The following IMMT variants were observed in gnomAD, a reference collection of about 807,000 sequenced individuals.
IMMT encodes the protein inner membrane mitochondrial protein.
In IMMT, 40 loss-of-function variants were observed where a neutral mutation model predicts 92.7. The ratio of observed to expected loss-of-function variants is 0.43; its 90% CI spans 0.34 to 0.56. The LOEUF (loss-of-function observed/expected upper bound fraction) is 0.56. Ranked by LOEUF, IMMT falls within the 20% of genes least tolerant of loss-of-function variation. The pLI, the probability that IMMT is intolerant of heterozygous loss-of-function variation, is 0.03. For synonymous variants in IMMT, 322 were observed against 336.1 expected (o/e 0.96, Z 0.46); for missense variants, 831 against 912.1 (o/e 0.91, Z 1.14).
At chr2:86,185,048 C>T (rs1003002409) in intron 1 of IMMT, among the ~76,000 whole-genome samples, 1 of 151,832 alleles carries the variant, frequency 6.6e-6, no homozygotes, top group African/African-American at 2.4e-5. Context: ...ATTAGCCGGG[C>T]GTGGCAGTGT....
At chr2:86,174,617 A>G (rs1360663363) in intron 3 of IMMT, among the ~76,000 whole-genome samples, 1 of 152,192 alleles carries the variant, frequency 6.6e-6, no homozygotes, top group East Asian at 1.9e-4. Context: ...CACTGCTAAT[A>G]GCCTGGAATC....
intron 1 of IMMT, among the ~76,000 whole-genome samples, chr2:86,191,299 T>G (rs1399863485): frequency 6.7e-6 from 1 of 148,530 alleles, no homozygotes; most frequent in Non-Finnish European, 1.5e-5. Flanking sequence ...GAGCTGAGAT[T>G]GCACCAATGC....
Position 86,158,704 on chromosome 2 carries a change from A to AGT in IMMT, c.1049_1050insAC (p.Glu351LeufsTer38). The AGT allele has an allele frequency of 6.2e-7, 1 of 1,606,772 alleles. No individual in the cohort carries two copies. The highest frequency in any genetic ancestry group is 8.5e-7 in the Non-Finnish European group (1 of 1,176,276). Reference sequence around the variant, plus strand: ...GATACTGAGATACAACCTTAGCCTCAGACTGAGCTGCTTGGACCTGAGCAA... The same window carrying AGT: ...GATACTGAGATACAACCTTAGCCTCAGTGACTGAGCTGCTTGGACCTGAGCAA... On this transcript the variant is annotated frameshift_variant, in exon 10 of 15. Coordinates refer to ENST00000410111, the MANE Select transcript of IMMT (RefSeq NM_006839.3). LOFTEE classifies it high-confidence loss of function.
At chr2:86,171,862 A>ATATATTTT (rs111461385) in intron 4 of IMMT, among the ~76,000 whole-genome samples, 10 of 149,866 alleles carry the variant, frequency 6.7e-5, no homozygotes, top group African/African-American at 2.2e-4. Flanking sequence ...ATATATATAT[A>ATATATTTT]TTTTTTGCAC....
intron 3 of IMMT, among the ~76,000 whole-genome samples, chr2:86,175,499 G>A (rs1677376736): frequency 6.6e-6 from 1 of 151,948 alleles, no homozygotes; most frequent in Non-Finnish European, 1.5e-5. Context: ...ATATATTTGA[G>A]AGAAATGACA....
Position 86,181,330 on chromosome 2 carries a change from A to C in IMMT, c.88T>G (p.Cys30Gly). The change falls in exon 2 of 15, where the codon TGC becomes GGC. Residue 30 changes from cysteine to glycine, a missense_variant. Cys to Gly is a radical substitution (Grantham distance 159). Coordinates refer to ENST00000410111, the MANE Select transcript of IMMT (RefSeq NM_006839.3). Reference sequence around the variant, plus strand: ...CTGCCTGAAGTAGAGTATCTGCGGCATGGTCGCAATGGACGGAGGACAAAC... The same window carrying C: ...CTGCCTGAAGTAGAGTATCTGCGGCCTGGTCGCAATGGACGGAGGACAAAC... ...GKFVLRPLRP[C>G]RRYSTSGSSG... 1 of 1,613,860 alleles carries C rather than the reference A, an allele frequency of 6.2e-7. No individual in the cohort carries two copies. The highest frequency in any genetic ancestry group is 8.5e-7 in the Non-Finnish European group (1 of 1,179,764).
intron 9 of IMMT, among the ~76,000 whole-genome samples, chr2:86,158,943 ACATAT>A (rs1186440099): frequency 6.6e-6 from 1 of 152,034 alleles, no homozygotes; most frequent in African/African-American, 2.4e-5. Context: ...CTCCCTCCAT[ACATAT>A]CATATAAGTG....
rs779402628 is a variant in IMMT at position 86,147,703 on chromosome 2, T to C, written c.1532A>G (p.Gln511Arg). 1 of 1,612,868 alleles carries C rather than the reference T, an allele frequency of 6.2e-7. No individual in the cohort carries two copies. The highest frequency in any genetic ancestry group is 1.1e-5 in the South Asian group (1 of 90,848). ...QEQELKSEFEQNLSEKLSEQE... is the reference protein window; with the variant it reads ...QEQELKSEFERNLSEKLSEQE... ...GCTGAAGGGAGTCCAGGTCCTCACC[T>C]GCTCAAATTCAGACTTCAATTCCTG... The change falls in exon 13 of 15, where the codon CAG becomes CGG. Residue 511 changes from glutamine (Q) to arginine (R), a missense_variant and splice_region_variant. Transcript: ENST00000410111.
intron 1 of IMMT, among the ~76,000 whole-genome samples, chr2:86,192,665 A>G (rs1043288463): frequency 1.3e-5 from 2 of 152,318 alleles, no homozygotes; most frequent in South Asian, 2.1e-4. Context: ...TAGGAGCTAC[A>G]AAGTATAACA....
At chr2:86,176,250 G>A (rs952850483) in intron 3 of IMMT, among the ~76,000 whole-genome samples, 3 of 152,194 alleles carry the variant, frequency 2.0e-5, no homozygotes, top group Non-Finnish European at 4.4e-5. Context: ...TTTACATCCT[G>A]TGGTCTTCCA....
intron 1 of IMMT, among the ~76,000 whole-genome samples, chr2:86,194,698 G>T (rs1341699826): frequency 6.6e-6 from 1 of 152,164 alleles, no homozygotes; most frequent in East Asian, 1.9e-4. Context: ...CCAGCGCCTG[G>T]AGACACAGAT....
chr2:86,171,959 A>ATTTTT (rs869190735), intron 4 of IMMT, among the ~76,000 whole-genome samples: 13 of 40,194 alleles, frequency 3.2e-4, no homozygotes, highest in Non-Finnish European at 6.0e-4. Flanking sequence ...TGTGTAGTAT[A>ATTTTT]TTTTTTTTTT....
chr2:86,171,084 TAAG>T, intron 5 of IMMT, 121 bp downstream of exon 5: 1 of 917,426 alleles, frequency 1.1e-6, no homozygotes, highest in South Asian at 1.9e-5. Context: ...AAAAATTTCC[TAAG>T]AAACTCTGAA....
chr2:86,184,143 A>G (rs1005795529), intron 1 of IMMT, among the ~76,000 whole-genome samples: 1 of 152,098 alleles, frequency 6.6e-6, no homozygotes, highest in African/African-American at 2.4e-5. Flanking sequence ...GGGTGAAAAT[A>G]CAGAAATAGA....
Position 86,151,417 on chromosome 2 carries a change from C to G in IMMT, c.1281G>C (p.Lys427Asn). The G allele has an allele frequency of 6.2e-7, 1 of 1,614,024 alleles. No homozygotes were observed. The highest frequency in any genetic ancestry group is 8.5e-7 in the Non-Finnish European group (1 of 1,179,904). The change falls in exon 12 of 15, where the codon AAG (lysine) becomes AAC (asparagine). Residue 427 changes from lysine (K) to asparagine (N), a missense_variant. Transcript: ENST00000410111. Reference sequence around the variant, plus strand: ...TCTCCAAGGCTAACGTGATGTGCTGCTTTTCGGTGGCCTTCTGTTCTGCCA... The same window carrying G: ...TCTCCAAGGCTAACGTGATGTGCTGGTTTTCGGTGGCCTTCTGTTCTGCCA... Reference protein sequence around the residue: ...RELAEQKATEKQHITLALEKQ... With the variant: ...RELAEQKATENQHITLALEKQ...
At chr2:86,181,940 G>T (rs1367056841) in intron 1 of IMMT, among the ~76,000 whole-genome samples, 2 of 152,114 alleles carry the variant, frequency 1.3e-5, no homozygotes, top group Non-Finnish European at 2.9e-5. Context: ...TAGTCTAAAA[G>T]CCAACCATTT....
chr2:86,183,648 C>T (rs1672574362), intron 1 of IMMT, among the ~76,000 whole-genome samples: 1 of 152,060 alleles, frequency 6.6e-6, no homozygotes, highest in African/African-American at 2.4e-5. Flanking sequence ...CCAGCCACCC[C>T]ATGCTTGCCA....
intron 4 of IMMT, among the ~76,000 whole-genome samples, chr2:86,172,662 G>T (rs1677176040): frequency 6.6e-6 from 1 of 152,060 alleles, no homozygotes; most frequent in South Asian, 2.1e-4. Flanking sequence ...GGCTTCCAAG[G>T]ACTGCCACAA....
intron 6 of IMMT, among the ~76,000 whole-genome samples, chr2:86,169,533 C>CA (rs1336142196): frequency 6.6e-6 from 1 of 151,970 alleles, no homozygotes; most frequent in African/African-American, 2.4e-5. Context: ...ACAAGGAGAT[C>CA]AAAAAACTAT....
Sources: gnomAD v4.1 joint callset for allele counts (sites outside exome capture counted in the v4.1 genomes callset) on GRCh38, gnomAD v4.1.1 for gene constraint, MANE v1.5 for transcripts, NCBI Gene and HGNC (gene_info 2026-07-23, HGNC 2026-07-21) for gene names.